The following ADCY2 variants were observed in gnomAD, a reference collection of about 807,000 sequenced individuals.
ADCY2 encodes the protein adenylate cyclase 2.
Under a neutral mutation model 125.2 loss-of-function variants are expected in ADCY2, and 31 were observed. The ratio of observed to expected loss-of-function variants is 0.25; its 90% CI spans 0.19 to 0.33. The LOEUF (loss-of-function observed/expected upper bound fraction) is 0.33, where lower values mean the gene tolerates loss of function less well. ADCY2 is among the 10% of genes least tolerant of loss of function. The probability of loss-of-function intolerance (pLI) is 1.00; values close to 1 mark genes in which losing one functional copy is unlikely to be tolerated. For synonymous variants in ADCY2, 512 were observed against 548.4 expected, an observed-to-expected ratio of 0.93 and a Z score of 0.93; for missense variants, 904 against 1,418.2, an observed-to-expected ratio of 0.64 and a Z score of 5.82.
chr5:7,728,295 C>T (rs73737621), intron 14 of ADCY2, among the ~76,000 whole-genome samples: 24 of 152,182 alleles, frequency 1.6e-4, no homozygotes, highest in African/African-American at 5.5e-4. Flanking sequence ...GGGCACTGAG[C>T]CAAATAGCCA....
intron 20 of ADCY2, chr5:7,794,260 A>G (rs771107247): frequency 6.6e-6 from 1 of 152,158 alleles, no homozygotes; most frequent in Non-Finnish European, 1.5e-5. Context: ...GTTACTACCA[A>G]TTTCTGTCTA....
At chr5:7,673,287 A>T (rs67568611) in intron 4 of ADCY2, among the ~76,000 whole-genome samples, 1,446 of 29,128 alleles carry the variant, frequency 0.05, 55 homozygotes, top group East Asian at 0.12. Context: ...TATATATATA[A>T]AATTAGCCAG....
At chr5:7,713,502 A>G (rs540683922) in intron 11 of ADCY2, among the ~76,000 whole-genome samples, 13 of 151,916 alleles carry the variant, frequency 8.6e-5, no homozygotes, top group African/African-American at 2.7e-4. Flanking sequence ...TCAGAAAAAA[A>G]AAAAATAAAA....
At chr5:7,748,839 G>A (rs1158672661) in intron 15 of ADCY2, among the ~76,000 whole-genome samples, 1 of 152,172 alleles carries the variant, frequency 6.6e-6, no homozygotes. Flanking sequence ...GGTCACAAGG[G>A]CCCTTGGAGG....
intron 15 of ADCY2, among the ~76,000 whole-genome samples, chr5:7,745,851 C>A (rs1742600734): frequency 6.6e-6 from 1 of 152,214 alleles, no homozygotes; most frequent in Non-Finnish European, 1.5e-5. Flanking sequence ...ATCAGGCTGA[C>A]TTTTTTTCAT....
In ADCY2 at chr5:7,828,748, G is replaced by A. The variant is rs552016223; in HGVS notation, c.*1877G>A. ...CTCTAACTCATTCTTCACGGATGCC[G>A]TAGCGTTTCCGTGAGCTCAAACTGG... is the stretch of plus-strand genomic sequence containing the variant. On this transcript the variant is annotated 3_prime_UTR_variant, in exon 25 of 25. Transcript: ENST00000338316. 1.4e-3 allele frequency: 215 copies of A among 152,440 alleles called. 1 individual carries two copies. The highest frequency in any genetic ancestry group is 3.4e-3 in the Middle Eastern group (1 of 294). The allele number at this position is 152,440 out of a possible 1,614,324, so 9.4% of individuals were successfully genotyped here.
chr5:7,816,329 T>C (rs973239033), intron 22 of ADCY2, among the ~76,000 whole-genome samples: 5 of 152,198 alleles, frequency 3.3e-5, no homozygotes, highest in East Asian at 1.9e-4. Context: ...CTGACCCCTG[T>C]GGAAAGCCTG....
intron 3 of ADCY2, among the ~76,000 whole-genome samples, chr5:7,567,935 CT>C (rs1735956845): frequency 7.3e-6 from 1 of 136,830 alleles, no homozygotes; most frequent in Non-Finnish European, 1.5e-5. Flanking sequence ...CTCTTTCTCT[CT>C]CTCTCTCTCT....
At chr5:7,548,198 T>A (rs1474925622) in intron 3 of ADCY2, among the ~76,000 whole-genome samples, 1 of 152,188 alleles carries the variant, frequency 6.6e-6, no homozygotes, top group African/African-American at 2.4e-5. Flanking sequence ...TAGAGAAGTT[T>A]GTATAGGTGA....
intron 2 of ADCY2, among the ~76,000 whole-genome samples, chr5:7,437,651 G>A (rs1740856612): frequency 6.6e-6 from 1 of 152,220 alleles, no homozygotes; most frequent in Non-Finnish European, 1.5e-5. Flanking sequence ...ATTGCAATGA[G>A]TCTTCCAGTG....
intron 2 of ADCY2, among the ~76,000 whole-genome samples, chr5:7,426,459 T>C (rs908003720): frequency 6.6e-6 from 1 of 152,160 alleles, no homozygotes; most frequent in African/African-American, 2.4e-5. Context: ...TCCTCACATG[T>C]CAGAAGAGAT....
intron 3 of ADCY2, among the ~76,000 whole-genome samples, chr5:7,558,506 G>A (rs532565423): frequency 2.0e-5 from 3 of 152,222 alleles, no homozygotes; most frequent in African/African-American, 4.8e-5. Flanking sequence ...GTATGTTCAT[G>A]TCCTTTGCCC....
chr5:7,434,390 C>CATAT, intron 2 of ADCY2, among the ~76,000 whole-genome samples: 1 of 152,334 alleles, frequency 6.6e-6, no homozygotes, highest in East Asian at 1.9e-4. Context: ...ATTCTTTTAA[C>CATAT]ATATGGGGCA....
chr5:7,814,237 G>A (rs934624239), intron 22 of ADCY2, among the ~76,000 whole-genome samples: 1 of 151,998 alleles, frequency 6.6e-6, no homozygotes, highest in African/African-American at 2.4e-5. Flanking sequence ...CCTGAGGATA[G>A]GAAGATGTCT....
chr5:7,585,966 A>G (rs185882158), intron 3 of ADCY2, among the ~76,000 whole-genome samples: 2 of 152,382 alleles, frequency 1.3e-5, no homozygotes, highest in East Asian at 3.9e-4. Context: ...TTTCTTGAAA[A>G]GAGGTAAAAC....
At chr5:7,719,837 C>A (rs1357632080) in intron 12 of ADCY2, among the ~76,000 whole-genome samples, 1 of 152,140 alleles carries the variant, frequency 6.6e-6, no homozygotes, top group Non-Finnish European at 1.5e-5. Flanking sequence ...TGGTGGGGGA[C>A]ACAAACTTGC....
At chr5:7,510,331 G>A (rs1166810299) in intron 2 of ADCY2, among the ~76,000 whole-genome samples, 1 of 152,158 alleles carries the variant, frequency 6.6e-6, no homozygotes, top group Non-Finnish European at 1.5e-5. Flanking sequence ...CTGAATGAAT[G>A]ATCCTTATCT....
At chr5:7,409,245 G>A (rs962689295) in intron 1 of ADCY2, among the ~76,000 whole-genome samples, 9 of 152,138 alleles carry the variant, frequency 5.9e-5, no homozygotes, top group African/African-American at 1.9e-4. Flanking sequence ...GGTGGAGGGT[G>A]GGAGGAGTGA....
intron 2 of ADCY2, among the ~76,000 whole-genome samples, chr5:7,506,436 C>G (rs1213282635): frequency 6.6e-6 from 1 of 152,002 alleles, no homozygotes; most frequent in East Asian, 1.9e-4. Context: ...CAGTCCTTAA[C>G]AGTAGGATGA....
Sources: gnomAD v4.1 joint callset for allele counts (sites outside exome capture counted in the v4.1 genomes callset) on GRCh38, gnomAD v4.1.1 for gene constraint, MANE v1.5 for transcripts, NCBI Gene and HGNC (gene_info 2026-07-23, HGNC 2026-07-21) for gene names.